Variants in BRD3 observed in about 807,000 individuals in gnomAD.
BRD3 encodes the protein bromodomain-containing protein 3.
In BRD3, 17 loss-of-function variants were observed where a neutral mutation model predicts 66.8. The observed-to-expected ratio is 0.25, with a 90% CI of 0.17 to 0.38. The LOEUF (loss-of-function observed/expected upper bound fraction) is 0.38, where lower values mean the gene tolerates loss of function less well. BRD3 is among the 10% of genes least tolerant of loss of function. The pLI is 1.00. For synonymous variants in BRD3, 421 were observed against 393.2 expected, an observed-to-expected ratio of 1.07 and a Z score of -0.84; for missense variants, 713 against 956.1, an observed-to-expected ratio of 0.75 and a Z score of 3.35.
intron 4 of BRD3, among the ~76,000 whole-genome samples, chr9:134,050,910 C>T (rs1034402582): frequency 6.6e-6 from 1 of 152,198 alleles, no homozygotes; most frequent in Non-Finnish European, 1.5e-5. Flanking sequence ...GTACTGAACT[C>T]GGTTCCCTAA....
In BRD3 at chr9:134,053,406, C is replaced by CCG; in HGVS notation, c.71_72insCG (p.Glu25GlyfsTer24). ...CGGGCTTGCTGGGGTTGGAGACCTC[C>CCG]GGGGGGGGTGGGTTCACAGGGCCCG... On this transcript the variant is annotated frameshift_variant, in exon 2 of 12. Transcript: ENST00000303407. LOFTEE classifies it high-confidence loss of function. The CCG allele has an allele frequency of 1.2e-6, 1 of 824,418 alleles. No individual in the cohort carries two copies. Among genetic ancestry groups the CCG allele is most frequent in the South Asian group, 1.4e-5 (1 of 69,196 alleles). 51.1% of individuals were successfully genotyped at this position (824,418 alleles called of 1,614,324 possible). A position where few individuals can be genotyped will look rare whatever the true frequency, so the allele number is the denominator to read the frequency against.
At chr9:134,052,802 T>C (rs1830332780) in intron 2 of BRD3, among the ~76,000 whole-genome samples, 1 of 152,200 alleles carries the variant, frequency 6.6e-6, no homozygotes, top group South Asian at 2.1e-4. Context: ...AGCCCAGGGA[T>C]TCCTCTGCAA....
chr9:134,046,028 C>T (rs1036269715), intron 6 of BRD3, among the ~76,000 whole-genome samples: 3 of 152,194 alleles, frequency 2.0e-5, no homozygotes, highest in African/African-American at 7.2e-5. Flanking sequence ...GGGGGCGTGT[C>T]GGCTGACACC....
chr9:134,041,577 G>T (rs980436093), intron 8 of BRD3, among the ~76,000 whole-genome samples, 183 bp downstream of exon 8: 4 of 152,252 alleles, frequency 2.6e-5, no homozygotes, highest in Non-Finnish European at 5.9e-5. Flanking sequence ...GTGTGCTGTG[G>T]GTTAGGCTCG....
rs1418918429 is a variant in BRD3, at chr9:134,036,109, G to C, written c.1859C>G (p.Thr620Ser). ...TTCCCGCAAAGTGGTGGGTTTCAGAGTCTCAAAGTCAATTTCTATCTCGTC... is the reference window on the plus strand; with the variant it reads ...TTCCCGCAAAGTGGTGGGTTTCAGACTCTCAAAGTCAATTTCTATCTCGTC... ...NPDEIEIDFETLKPTTLRELE... is the reference protein window; with the variant it reads ...NPDEIEIDFESLKPTTLRELE... The change falls in exon 10 of 12, where the codon ACT becomes AGT. Residue 620 changes from threonine to serine, a missense_variant. Coordinates refer to ENST00000303407, the MANE Select transcript of BRD3 (RefSeq NM_007371.4). 2 of 1,614,236 alleles carry C rather than the reference G, an allele frequency of 1.2e-6. No individual in the cohort carries two copies. Among genetic ancestry groups the C allele is most frequent in the South Asian group, 1.1e-5 (1 of 91,092 alleles).
chr9:134,055,299 G>A (rs1455514107), intron 1 of BRD3, among the ~76,000 whole-genome samples: 2 of 152,174 alleles, frequency 1.3e-5, no homozygotes, highest in Admixed American at 6.5e-5. Flanking sequence ...GGGGCTCCAC[G>A]TGACTCAGAG....
At chr9:134,051,001 C>A (rs28694795) in intron 4 of BRD3, among the ~76,000 whole-genome samples, 7,804 of 152,288 alleles carry the variant, frequency 0.051, 592 homozygotes, top group African/African-American at 0.16. Context: ...GGCCCGTGGC[C>A]CTGGCCATCC....
At chr9:134,051,231 G>A (rs1041920996) in intron 4 of BRD3, among the ~76,000 whole-genome samples, 2 of 152,228 alleles carry the variant, frequency 1.3e-5, no homozygotes, top group South Asian at 2.1e-4. Flanking sequence ...GGCCCCACGC[G>A]TCGTGGAAGA....
In BRD3 at chr9:134,051,652, C is replaced by T. The variant is rs200259368; in HGVS notation, c.409G>A (p.Val137Met). 6.3e-7 allele frequency: 1 copy of T among 1,590,460 alleles called. No individual in the cohort carries two copies. The highest frequency in any genetic ancestry group is 8.5e-7 in the Non-Finnish European group (1 of 1,172,216). The part of the protein sequence containing the change: ...QALEKIFLQK[V>M]AQMPQEEVEL... ...ACTTCCTCTTGGGGCATCTGGGCCACTTTTTGTAGAAAAATTTTCTCTAAA... is the reference window on the plus strand; with the variant it reads ...ACTTCCTCTTGGGGCATCTGGGCCATTTTTTGTAGAAAAATTTTCTCTAAA... Residue 137 changes from valine to methionine, a missense_variant, in exon 4 of 12, where the codon GTG (valine) becomes ATG (methionine). Physicochemically the swap from Val to Met is conservative, Grantham distance 21. Coordinates refer to ENST00000303407, the MANE Select transcript of BRD3 (RefSeq NM_007371.4).
intron 3 of BRD3, among the ~76,000 whole-genome samples, 162 bp from the exon 4 acceptor site, chr9:134,051,871 G>GTTTTTTTTTTTTTTTT (rs1564555774): frequency 2.7e-5 from 3 of 110,540 alleles, no homozygotes; most frequent in African/African-American, 1.3e-4. Flanking sequence ...GTGTGTGTGT[G>GTTTTTTTTTTTTTTTT]TGTGTGTTGT....
intron 1 of BRD3, among the ~76,000 whole-genome samples, chr9:134,060,975 G>C (rs763883894): frequency 6.6e-6 from 1 of 152,246 alleles, no homozygotes; most frequent in African/African-American, 2.4e-5. Flanking sequence ...CATCAGAAAA[G>C]ATGCTGAGTC....
In BRD3 at chr9:134,033,684, G is replaced by A; in HGVS notation, c.2087C>T (p.Ser696Leu). The A allele has an allele frequency of 1.3e-6, 1 of 755,492 alleles. No individual in the cohort carries two copies. Among genetic ancestry groups the A allele is most frequent in the Non-Finnish European group, 2.5e-6 (1 of 407,592 alleles). 46.8% of individuals were successfully genotyped at this position (755,492 alleles called of 1,614,324 possible). The change falls in exon 12 of 12, where the codon TCA becomes TTA. Residue 696 changes from serine to leucine, a missense_variant. By Grantham distance (145) the Ser-to-Leu change is moderately radical. Around this residue, in one of 5 missense-constraint regions of BRD3, gnomAD observed 42 missense variants for 29.2 expected, o/e 1.44. Transcript: ENST00000303407. The surrounding 1 kb of genome is among the most constrained non-coding windows in gnomAD (Gnocchi z 5.1). ...ARKEKPGSAP[S>L]GGPSRLSSSS... ...GCTGCTGAGCCTGGACGGGCCCCCT[G>A]AGGGTGCTGAGCCGGGCTTCTCTGT... is the stretch of plus-strand genomic sequence containing the variant.
At chr9:134,056,043 C>G (rs201536477) in intron 1 of BRD3, 6 of 152,368 alleles carry the variant, frequency 3.9e-5, no homozygotes, top group Admixed American at 3.9e-4. Context: ...AGGGCAGCCC[C>G]GCCCGGCCAT....
intron 5 of BRD3, among the ~76,000 whole-genome samples, chr9:134,049,074 G>A (rs1830236887): frequency 6.6e-6 from 1 of 152,128 alleles, no homozygotes; most frequent in African/African-American, 2.4e-5. Context: ...CATCCCAGCA[G>A]CAGTGGGAGC....
At chr9:134,062,207 T>A (rs1466041798) in intron 1 of BRD3, among the ~76,000 whole-genome samples, 1 of 152,118 alleles carries the variant, frequency 6.6e-6, no homozygotes, top group Non-Finnish European at 1.5e-5. Flanking sequence ...CCCAGGGGAA[T>A]CTGCCCAGTG....
chr9:134,032,192 C>G lies in BRD3; in HGVS notation c.*1398G>C, dbSNP rs1214641959. 1 of 215,846 alleles carries G rather than the reference C, an allele frequency of 4.6e-6. No homozygotes were observed. The highest frequency in any genetic ancestry group is 9.3e-6 in the Non-Finnish European group (1 of 107,274). The allele number at this position is 215,846 out of a possible 1,614,324, so 13.4% of individuals were successfully genotyped here. On this transcript the variant is annotated 3_prime_UTR_variant, in exon 12 of 12. Coordinates refer to ENST00000303407, the MANE Select transcript of BRD3 (RefSeq NM_007371.4). ...TGGGAAAACAAAACCAAAACATCAC[C>G]TTCTATTAAACTCTGTATATTATTA...
rs919104940 is a variant in BRD3 at position 134,031,396 on chromosome 9, G to A, written c.*2194C>T. The A allele has an allele frequency of 1.1e-4, 24 of 209,106 alleles. No individual in the cohort carries two copies. The highest frequency in any genetic ancestry group is 5.0e-4 in the African/African-American group (22 of 43,870). 13.0% of individuals were successfully genotyped at this position (209,106 alleles called of 1,614,324 possible). On this transcript the variant is annotated 3_prime_UTR_variant, in exon 12 of 12. Coordinates refer to ENST00000303407, the MANE Select transcript of BRD3 (RefSeq NM_007371.4). ...TCACCCAGCCCTGTGCTGGCAGCAC[G>A]TTACCAACCAGCCTGCGTGAAGACC... is the stretch of plus-strand genomic sequence containing the variant.
At position 134,031,556 on chromosome 9, in the gene BRD3, A is replaced by T. The variant is rs1461238968; in HGVS notation, c.*2034T>A. The T allele has an allele frequency of 4.9e-6, 1 of 204,072 alleles. No individual in the cohort carries two copies. The highest frequency in any genetic ancestry group is 6.0e-5 in the Admixed American group (1 of 16,776). 12.6% of individuals were successfully genotyped at this position (204,072 alleles called of 1,614,324 possible). Reference sequence around the variant, plus strand: ...AAATCCATTTATATTTTTATTATAAACAAAACTTAATTAAAAGTTTAACAA... The same window carrying T: ...AAATCCATTTATATTTTTATTATAATCAAAACTTAATTAAAAGTTTAACAA... On this transcript the variant is annotated 3_prime_UTR_variant, in exon 12 of 12. Transcript: ENST00000303407.
chr9:134,057,463 G>A (rs946324529), intron 1 of BRD3: 5 of 152,276 alleles, frequency 3.3e-5, no homozygotes, highest in Non-Finnish European at 5.9e-5. Context: ...GCAGACAGTG[G>A]AGAAACACCA....
Sources: gnomAD v4.1 joint callset for allele counts (sites outside exome capture counted in the v4.1 genomes callset) on GRCh38, gnomAD v4.1.1 for gene constraint, gnomAD v4.1.1 regional missense constraint, Gnocchi (gnomAD v3.1) non-coding constraint, MANE v1.5 for transcripts, NCBI Gene and HGNC (gene_info 2026-07-23, HGNC 2026-07-21) for gene names.